NTM: variants seen among roughly 807,000 people sequenced by gnomAD.
NTM encodes the protein IgLON family member 2.
In NTM, 13 loss-of-function variants were observed where a neutral mutation model predicts 42.1. The observed-to-expected ratio is 0.31, with a 90% confidence interval of 0.20 to 0.49. NTM has a LOEUF of 0.49. Among genes scored for constraint, NTM ranks in the 20% least tolerant of loss-of-function variants. NTM has a pLI of 0.99. For synonymous variants in NTM, 187 were observed against 179.2 expected (o/e 1.04, Z -0.35); for missense variants, 373 against 452.8 (o/e 0.82, Z 1.60).
chr11:132,074,583 T>C (rs1321558164), intron 2 of NTM, among the ~76,000 whole-genome samples: 1 of 152,118 alleles, frequency 6.6e-6, no homozygotes, highest in Non-Finnish European at 1.5e-5. Flanking sequence ...ATGGGCACCA[T>C]GTTCAACATA....
intron 2 of NTM, among the ~76,000 whole-genome samples, chr11:131,993,608 T>C (rs187431681): frequency 9.7e-4 from 148 of 152,284 alleles, no homozygotes; most frequent in Admixed American, 3.5e-3. Context: ...TGTGCAGATT[T>C]CCTAGGGTGG....
intron 1 of NTM, among the ~76,000 whole-genome samples, chr11:131,478,080 A>G (rs1014899704): frequency 6.6e-6 from 1 of 152,160 alleles, no homozygotes; most frequent in Admixed American, 6.5e-5. Context: ...AACAAATTCA[A>G]TCAGATCACT....
At chr11:132,282,291 T>C (rs916628643) in intron 4 of NTM, among the ~76,000 whole-genome samples, 2 of 152,218 alleles carry the variant, frequency 1.3e-5, no homozygotes, top group Admixed American at 6.5e-5. Flanking sequence ...CTTCATGAAA[T>C]ATTCCTCAGA....
rs546432365 is a variant in NTM, at chr11:131,816,654, C to T, written c.83-94910C>T. 2.6e-5 allele frequency among the ~76,000 whole-genome samples: 4 copies of T among 152,164 alleles called. No individual in the cohort carries two copies. In the South Asian group the frequency reaches 6.2e-4, roughly 24 times the overall value. On this transcript the variant is annotated intron_variant, in intron 1 of 8. Coordinates refer to ENST00000683400, the MANE Select transcript of NTM (RefSeq NM_001352005.2). ...CCAAATCGTACACCTCTATAACAACCCTGCTGGATTAGAATTAGATCCCAC... is the reference window on the plus strand; with the variant it reads ...CCAAATCGTACACCTCTATAACAACTCTGCTGGATTAGAATTAGATCCCAC...
intron 1 of NTM, among the ~76,000 whole-genome samples, chr11:131,714,287 CAAGCG>C (rs2135333151): frequency 6.6e-6 from 1 of 152,216 alleles, no homozygotes; most frequent in South Asian, 2.1e-4. Context: ...CTCCAGGGTT[CAAGCG>C]ATTCTCTGAC....
chr11:131,410,894 T>TA (rs753799576), intron 1 of NTM, among the ~76,000 whole-genome samples: 19 of 152,202 alleles, frequency 1.2e-4, no homozygotes, highest in Non-Finnish European at 1.9e-4. Flanking sequence ...ACCACAGGCA[T>TA]AAATGGGTTA....
At chr11:132,034,719 A>G (rs925881659) in intron 2 of NTM, among the ~76,000 whole-genome samples, 20 of 152,192 alleles carry the variant, frequency 1.3e-4, no homozygotes, top group African/African-American at 4.8e-4. Context: ...GTCTCAGAGA[A>G]ATGACCTCCC....
rs542765535 is a variant in NTM, at chr11:131,476,498, G to A, written c.82+105610G>A. ...AGGTGGCATGGTGCTCAGGGCTGTG[G>A]CAGATCCAGTCTTGGTTTCCTAATC... On this transcript the variant is annotated intron_variant, in intron 1 of 8. Coordinates refer to ENST00000683400, the MANE Select transcript of NTM (RefSeq NM_001352005.2). Among the ~76,000 whole-genome samples the A allele has an allele frequency of 5.3e-5, 8 of 152,260 alleles. No homozygotes were observed. The South Asian group carries it at 6.2e-4, about 12-fold the overall frequency.
intron 1 of NTM, among the ~76,000 whole-genome samples, chr11:131,482,896 G>A (rs1399904350): frequency 6.6e-6 from 1 of 152,164 alleles, no homozygotes; most frequent in African/African-American, 2.4e-5. Flanking sequence ...GTCGAGCATG[G>A]GTCCTGGGAA....
intron 4 of NTM, among the ~76,000 whole-genome samples, chr11:132,303,258 G>T (rs1265531425): frequency 6.6e-6 from 1 of 152,206 alleles, no homozygotes; most frequent in Non-Finnish European, 1.5e-5. Flanking sequence ...CAGTGCTGGA[G>T]GCTAGAAGTC....
intron 6 of NTM, chr11:132,312,564 G>A (rs1463159117): frequency 6.5e-6 from 1 of 154,916 alleles, no homozygotes; most frequent in Admixed American, 6.5e-5. Context: ...GAGCTGCAAA[G>A]CCTGCAAAGT....
intron 3 of NTM, among the ~76,000 whole-genome samples, chr11:132,198,951 C>A (rs1171951666): frequency 3.4e-4 from 51 of 152,150 alleles, no homozygotes; most frequent in Admixed American, 3.3e-3. Flanking sequence ...TTAGCTAGGA[C>A]TAAATGATCA....
chr11:131,992,186 GT>G (rs2067146282), intron 2 of NTM, among the ~76,000 whole-genome samples: 1 of 152,074 alleles, frequency 6.6e-6, no homozygotes, highest in Non-Finnish European at 1.5e-5. Context: ...AAGATGAAGA[GT>G]TTTATGATGA....
chr11:131,877,064 G>C (rs2048638466), intron 1 of NTM, among the ~76,000 whole-genome samples: 1 of 152,136 alleles, frequency 6.6e-6, no homozygotes, highest in African/African-American at 2.4e-5. Flanking sequence ...TCTCCATGCT[G>C]TCCAGGCTGG....
intron 2 of NTM, among the ~76,000 whole-genome samples, chr11:132,053,990 C>T (rs188258093): frequency 5.3e-5 from 8 of 152,206 alleles, no homozygotes; most frequent in East Asian, 1.9e-4. Context: ...CCAGGGTGGG[C>T]GGATCTCTTG....
At chr11:132,129,522 G>A (rs1383432454) in intron 2 of NTM, among the ~76,000 whole-genome samples, 1 of 152,174 alleles carries the variant, frequency 6.6e-6, no homozygotes, top group Non-Finnish European at 1.5e-5. Context: ...CAGGAGAAAT[G>A]TATTTTAAGA....
intron 2 of NTM, among the ~76,000 whole-genome samples, chr11:132,111,063 C>CAAAAAAAA (rs57458373): frequency 6.2e-4 from 22 of 35,458 alleles, no homozygotes; most frequent in Non-Finnish European, 9.3e-4. Flanking sequence ...GGCCCTATCT[C>CAAAAAAAA]AAAAAAAAAA....
At chr11:131,400,110 C>T (rs1285723621) in intron 1 of NTM, among the ~76,000 whole-genome samples, 1 of 151,996 alleles carries the variant, frequency 6.6e-6, no homozygotes, top group African/African-American at 2.4e-5. Context: ...AGCTACCCTA[C>T]CCACCCCCCA....
At chr11:131,906,724 A>T (rs76708460) in intron 1 of NTM, among the ~76,000 whole-genome samples, 1 of 152,048 alleles carries the variant, frequency 6.6e-6, no homozygotes, top group African/African-American at 2.4e-5. Flanking sequence ...TCTCTTATAA[A>T]GTTTTATGGG....
Sources: gnomAD v4.1 joint callset for allele counts (sites outside exome capture counted in the v4.1 genomes callset) on GRCh38, gnomAD v4.1.1 for gene constraint, MANE v1.5 for transcripts, NCBI Gene and HGNC (gene_info 2026-07-23, HGNC 2026-07-21) for gene names.